Variants in SEPTIN6 observed in about 807,000 individuals in gnomAD.
SEPTIN6 encodes septin-6.
SEPTIN6 carries 8 observed loss-of-function variants against 33.6 expected under a neutral mutation model. The ratio of observed to expected loss-of-function variants is 0.24; its 90% CI spans 0.14 to 0.43. The LOEUF (loss-of-function observed/expected upper bound fraction) is 0.43. SEPTIN6 is among the 20% of genes least tolerant of loss of function. SEPTIN6 has a pLI of 1.00. For synonymous variants in SEPTIN6, 131 were observed against 140.0 expected, an observed-to-expected ratio of 0.94 and a Z score of 0.45; for missense variants, 250 against 340.8, an observed-to-expected ratio of 0.73 and a Z score of 2.10.
chrX:119,650,600 G>C (rs1323628529), intron 4 of SEPTIN6, among the ~76,000 whole-genome samples: 1 of 111,301 alleles, frequency 9.0e-6, no homozygotes, highest in Non-Finnish European at 1.9e-5. Flanking sequence ...ACAGGGGAGA[G>C]GTGGCCTCTT....
chrX:119,649,380 C>T (rs190428115), intron 5 of SEPTIN6, among the ~76,000 whole-genome samples: 3 of 105,995 alleles, frequency 2.8e-5, no homozygotes, highest in African/African-American at 6.9e-5. Flanking sequence ...AGGCGTGAGA[C>T]ACCATGCCCA....
intron 8 of SEPTIN6, among the ~76,000 whole-genome samples, chrX:119,630,817 C>T (rs1298714834): frequency 4.6e-5 from 5 of 109,408 alleles, no homozygotes; most frequent in South Asian, 8.0e-4. Flanking sequence ...CACTTGAACC[C>T]GGGAGGCGGA....
chrX:119,638,442 A>T (rs1271437812), intron 6 of SEPTIN6, among the ~76,000 whole-genome samples: 7 of 111,615 alleles, frequency 6.3e-5, no homozygotes, highest in Non-Finnish European at 1.3e-4. Flanking sequence ...ACTGTGTCGG[A>T]TGGTGGTATT....
intron 3 of SEPTIN6, among the ~76,000 whole-genome samples, chrX:119,654,387 C>T (rs368595303): frequency 9.0e-6 from 1 of 111,586 alleles, no homozygotes; most frequent in Non-Finnish European, 1.9e-5. Flanking sequence ...TTCTCATCTC[C>T]CCTGTCTGTC....
intron 4 of SEPTIN6, 56 bp downstream of exon 4, chrX:119,652,798 T>C: frequency 1.9e-6 from 2 of 1,040,214 alleles, no homozygotes; most frequent in African/African-American, 1.8e-5. Context: ...ACATCTACTT[T>C]GCACAAGAGA....
chrX:119,638,329 G>A (rs1420004521), intron 6 of SEPTIN6, among the ~76,000 whole-genome samples: 1 of 111,985 alleles, frequency 8.9e-6, no homozygotes, highest in African/African-American at 3.2e-5. Context: ...ATTTGGGGCA[G>A]TGGTCAAGAA....
At chrX:119,679,872 A>G (rs2054918795) in intron 1 of SEPTIN6, among the ~76,000 whole-genome samples, 1 of 110,476 alleles carries the variant, frequency 9.1e-6, no homozygotes, top group Non-Finnish European at 1.9e-5. Context: ...TCAAAAATAA[A>G]TACATTAATT....
intron 6 of SEPTIN6, 37 bp from the exon 7 acceptor site, chrX:119,637,232 AAAGG>A (rs760524532): frequency 8.6e-7 from 1 of 1,161,558 alleles, no homozygotes; most frequent in Admixed American, 2.2e-5. Flanking sequence ...AAGTATGTTG[AAAGG>A]AAGGCCAGCA....
At chrX:119,653,555 G>C (rs1164398573) in intron 3 of SEPTIN6, among the ~76,000 whole-genome samples, 2 of 112,386 alleles carry the variant, frequency 1.8e-5, no homozygotes, top group African/African-American at 6.5e-5. Context: ...TTTCCTCCAA[G>C]CTGGGCTCAT....
intron 9 of SEPTIN6, among the ~76,000 whole-genome samples, chrX:119,628,003 T>C (rs2053883714): frequency 9.2e-6 from 1 of 108,687 alleles, no homozygotes; most frequent in African/African-American, 3.4e-5. Flanking sequence ...TTTCATCATG[T>C]AGGCCAGGCT....
intron 1 of SEPTIN6, among the ~76,000 whole-genome samples, chrX:119,692,724 G>A (rs1209524731): frequency 8.9e-6 from 1 of 112,885 alleles, no homozygotes; most frequent in East Asian, 2.8e-4. Context: ...CAGGGACCCG[G>A]AGGGCTCGGC....
In SEPTIN6 at chrX:119,663,483, T is replaced by G. The variant is rs1188049166; in HGVS notation, c.340A>C (p.Ser114Arg). 2.0e-6 allele frequency: 1 copy of G among 495,385 alleles called. No homozygotes were observed. Among genetic ancestry groups the G allele is most frequent in the Non-Finnish European group, 3.2e-6 (1 of 314,639 alleles). 40.8% of individuals were successfully genotyped at this position (495,385 alleles called of 1,213,427 possible). The change falls in exon 3 of 11, where the codon AGC becomes CGC. Residue 114 changes from serine (S) to arginine (R), a missense_variant and splice_region_variant. Transcript: ENST00000394610. ...GFGDQINKEDSYKPIVEFIDA... is the reference protein window; with the variant it reads ...GFGDQINKEDRYKPIVEFIDA... Reference sequence around the variant, plus strand: ...ACCCCACCCCACCGCCTTCTTTACCTGTCCTCTTTGTTGATCTGGTCCCCA... The same window carrying G: ...ACCCCACCCCACCGCCTTCTTTACCGGTCCTCTTTGTTGATCTGGTCCCCA...
chrX:119,620,255 C>T (rs964870907), intron 10 of SEPTIN6, among the ~76,000 whole-genome samples: 2 of 110,593 alleles, frequency 1.8e-5, no homozygotes, highest in Admixed American at 9.6e-5. Context: ...CACATGATGG[C>T]AGCAGTGGCA....
At chrX:119,680,311 C>T (rs372633514) in intron 1 of SEPTIN6, among the ~76,000 whole-genome samples, 4 of 108,784 alleles carry the variant, frequency 3.7e-5, no homozygotes, top group South Asian at 4.0e-4. Context: ...TGGGTTCAAG[C>T]GATTCTCCTG....
At chrX:119,660,973 C>T (rs376635299) in intron 3 of SEPTIN6, among the ~76,000 whole-genome samples, 4 of 81,811 alleles carry the variant, frequency 4.9e-5, no homozygotes, top group East Asian at 4.7e-4. Context: ...ACCCAGGAGG[C>T]GGAGGTTGTA....
chrX:119,618,769 G>C lies in SEPTIN6; in HGVS notation c.*1324C>G, dbSNP rs768533782. ...CAGCTGTAGCGGGGAATACTATTCA[G>C]TACACAGCCATGGATTACTGCAAAG... On this transcript the variant is annotated 3_prime_UTR_variant, in exon 11 of 11. Transcript: ENST00000394610. The C allele has an allele frequency of 8.3e-7, 1 of 1,210,353 alleles. No homozygotes were observed. Among genetic ancestry groups the C allele is most frequent in the East Asian group, 3.0e-5 (1 of 33,779 alleles).
chrX:119,653,154 G>A, intron 3 of SEPTIN6, 114 bp from the exon 4 acceptor site: 2 of 593,798 alleles, frequency 3.4e-6, no homozygotes, highest in Middle Eastern at 5.2e-4. Context: ...CCATCCAACT[G>A]CATTTCTCCA....
At chrX:119,672,312 A>T (rs940241010) in intron 2 of SEPTIN6, among the ~76,000 whole-genome samples, 1 of 111,541 alleles carries the variant, frequency 9.0e-6, no homozygotes, top group African/African-American at 3.3e-5. Flanking sequence ...CCATCCCAGC[A>T]GGTGCAAGTG....
chrX:119,687,213 TTTTCCTTC>T (rs978970351), intron 1 of SEPTIN6, among the ~76,000 whole-genome samples: 8 of 108,754 alleles, frequency 7.4e-5, no homozygotes, highest in Non-Finnish European at 1.5e-4. Flanking sequence ...CTTTCCTTCT[TTTTCCTTC>T]TTTCCTTCTT....
Sources: gnomAD v4.1 joint callset for allele counts (sites outside exome capture counted in the v4.1 genomes callset) on GRCh38, gnomAD v4.1.1 for gene constraint, MANE v1.5 for transcripts, NCBI Gene and HGNC (gene_info 2026-07-23, HGNC 2026-07-21) for gene names.